Variants in OR1C1 observed in about 807,000 individuals in gnomAD.
OR1C1 encodes olfactory receptor family 1 subfamily C member 1, also known as olfactory receptor 1C1.
For synonymous variants in OR1C1, 153 were observed against 154.6 expected (o/e 0.99, Z 0.08); for missense variants, 407 against 384.3 (o/e 1.06, Z -0.49).
intron 1 of OR1C1, chr1:247,758,707 G>A (rs926440024): frequency 7.7e-6 from 2 of 258,984 alleles, no homozygotes; most frequent in Non-Finnish European, 1.5e-5. Flanking sequence ...CATTTTAATT[G>A]GGTTATTTTG....
At chr1:247,759,812 C>G (rs1251270756) in intron 1 of OR1C1, among the ~76,000 whole-genome samples, 2 of 152,160 alleles carry the variant, frequency 1.3e-5, no homozygotes. Flanking sequence ...GTTCCATGCA[C>G]CCCCTTTTAC....
chr1:247,758,740 A>C (rs1661279557), intron 1 of OR1C1: 1 of 212,588 alleles, frequency 4.7e-6, no homozygotes. Flanking sequence ...TAACCACAAA[A>C]TTCATATCGA....
At position 247,757,780 on chromosome 1, in the gene OR1C1, C is replaced by A; in HGVS notation, c.627G>T (p.Thr209=). ...AAGATACGAGGATACAGACAAGGGG[C>A]GTGAGAGCCAATAGACCTCCTACTG... ...IFAVGGLLAL[T]PLVCILVSYG... The change falls in exon 2 of 2, where the codon ACG becomes ACT. Residue 209 remains threonine, a synonymous_variant. Coordinates refer to ENST00000641256, the MANE Select transcript of OR1C1 (RefSeq NM_012353.3). The A allele has an allele frequency of 6.2e-7, 1 of 1,613,888 alleles. No homozygotes were observed. The highest frequency in any genetic ancestry group is 8.5e-7 in the Non-Finnish European group (1 of 1,179,944).
chr1:247,755,604 G>A lies in OR1C1; in HGVS notation c.*1858C>T, dbSNP rs1423371711. 1 of 152,052 alleles carries A rather than the reference G, an allele frequency of 6.6e-6. No individual in the cohort carries two copies. The highest frequency in any genetic ancestry group is 2.4e-5 in the African/African-American group (1 of 41,424). 9.4% of individuals were successfully genotyped at this position (152,052 alleles called of 1,614,324 possible). A position where few individuals can be genotyped will look rare whatever the true frequency, so the allele number is the denominator to read the frequency against. On this transcript the variant is annotated 3_prime_UTR_variant, in exon 2 of 2. Coordinates refer to ENST00000641256, the MANE Select transcript of OR1C1 (RefSeq NM_012353.3). ...AAGGGAAATGCCAATTAAAACCACC[G>A]TGAGATGCACCTCACACTTGTCTGA...
chr1:247,758,290 G>A lies in OR1C1; in HGVS notation c.117C>T (p.Thr39=), dbSNP rs533819282. ...TCGCAATGATGAGCATGTTCCCCAA[G>A]GTGGTGGCTAAATACATACAGAGAA... ...VLFLCMYLAT[T]LGNMLIIATI... is the part of the protein sequence containing the mutation. The change falls in exon 2 of 2, where the codon ACC becomes ACT. Residue 39 remains threonine (T), a synonymous_variant. Transcript: ENST00000641256. 6.2e-7 allele frequency: 1 copy of A among 1,613,916 alleles called. No homozygotes were observed.
At position 247,757,964 on chromosome 1, in the gene OR1C1, A is replaced by G. The variant is rs1661252492; in HGVS notation, c.443T>C (p.Leu148Pro). Reference protein sequence around the residue: ...LCLCVQLVAGLWLVTYLHALL... With the variant: ...LCLCVQLVAGPWLVTYLHALL... Reference sequence around the variant, plus strand: ...GGCGTGGAGGTAAGTAACAAGCCACAGTCCAGCCACTAGCTGGACACAAAG... The same window carrying G: ...GGCGTGGAGGTAAGTAACAAGCCACGGTCCAGCCACTAGCTGGACACAAAG... Residue 148 changes from leucine (L) to proline (P), a missense_variant, in exon 2 of 2, where the codon CTG (leucine) becomes CCG (proline). Physicochemically the swap from Leu to Pro is moderately conservative, Grantham distance 98 (BLOSUM62 -3). Transcript: ENST00000641256. 6.2e-7 allele frequency: 1 copy of G among 1,614,016 alleles called. No homozygotes were observed. The highest frequency in any genetic ancestry group is 1.7e-5 in the Admixed American group (1 of 59,988).
At chr1:247,758,669 A>G (rs970874232) in intron 1 of OR1C1, 1 of 357,706 alleles carries the variant, frequency 2.8e-6, no homozygotes, top group Non-Finnish European at 5.1e-6. Flanking sequence ...TTCCCCCAAA[A>G]GAAAATGCAA....
rs770848084 is a variant in OR1C1, at chr1:247,757,761, C to T, written c.646G>A (p.Val216Ile). Residue 216 changes from valine (V) to isoleucine (I), a missense_variant, in exon 2 of 2, where the codon GTA becomes ATA. Physicochemically the swap from Val to Ile is conservative, Grantham distance 29. Transcript: ENST00000641256. ...GTGGAGAAGATAAGTCCATAAGATA[C>T]GAGGATACAGACAAGGGGCGTGAGA... Reference protein sequence around the residue: ...LALTPLVCILVSYGLIFSTVL... With the variant: ...LALTPLVCILISYGLIFSTVL... The T allele has an allele frequency of 3.7e-6, 6 of 1,613,900 alleles. No individual in the cohort carries two copies. Among genetic ancestry groups the T allele is most frequent in the South Asian group, 2.2e-5 (2 of 91,066 alleles).
intron 1 of OR1C1, among the ~76,000 whole-genome samples, chr1:247,758,983 TTGG>T (rs143311622): frequency 0.053 from 8,118 of 152,172 alleles, 315 homozygotes; most frequent in East Asian, 0.22. Context: ...TGCTCATCAT[TTGG>T]TGGAGCCTCT....
At position 247,757,521 on chromosome 1, in the gene OR1C1, C is replaced by A. The variant is rs773140315; in HGVS notation, c.886G>T (p.Asp296Tyr). The A allele has an allele frequency of 9.3e-6, 15 of 1,613,950 alleles. No homozygotes were observed. Among genetic ancestry groups the A allele is most frequent in the Non-Finnish European group, 1.2e-5 (14 of 1,179,992 alleles). Reference sequence around the variant, plus strand: ...ATTTTCTGAAGTCCCCTCTTCATATCCCTGTTCCTTAGGGTATAGATGAAA... The same window carrying A: ...ATTTTCTGAAGTCCCCTCTTCATATACCTGTTCCTTAGGGTATAGATGAAA... Reference protein sequence around the residue: ...NPFIYTLRNRDMKRGLQKMLL... With the variant: ...NPFIYTLRNRYMKRGLQKMLL... The change falls in exon 2 of 2, where the codon GAT becomes TAT. Residue 296 changes from aspartate (D) to tyrosine (Y), a missense_variant. Asp to Tyr is a radical substitution (Grantham distance 160, BLOSUM62 -3). Transcript: ENST00000641256.
At chr1:247,759,930 T>C (rs1008758285) in intron 1 of OR1C1, among the ~76,000 whole-genome samples, 2 of 152,236 alleles carry the variant, frequency 1.3e-5, no homozygotes, top group African/African-American at 2.4e-5. Flanking sequence ...CCTTCCCCTG[T>C]AGGCACTATC....
chr1:247,758,008 G>T lies in OR1C1; in HGVS notation c.399C>A (p.Thr133=). ...YVAICHPLHY[T]ARMNLCLCVQ... is the part of the protein sequence containing the mutation. ...CACAAAGGCACAGGTTCATTCTGGCGGTGTAATGTAAGGGGTGGCAAATCG... is the reference window on the plus strand; with the variant it reads ...CACAAAGGCACAGGTTCATTCTGGCTGTGTAATGTAAGGGGTGGCAAATCG... The change falls in exon 2 of 2, where the codon ACC becomes ACA. Residue 133 remains threonine, a synonymous_variant. Coordinates refer to ENST00000641256, the MANE Select transcript of OR1C1 (RefSeq NM_012353.3). 1.2e-6 allele frequency: 2 copies of T among 1,614,066 alleles called. No individual in the cohort carries two copies. The highest frequency in any genetic ancestry group is 1.7e-6 in the Non-Finnish European group (2 of 1,180,008).
intron 1 of OR1C1, among the ~76,000 whole-genome samples, chr1:247,758,867 A>G (rs1312453730): frequency 6.6e-6 from 1 of 152,138 alleles, no homozygotes; most frequent in East Asian, 1.9e-4. Context: ...TATACTTATG[A>G]TGGAAGATAT....
chr1:247,757,748 A>G lies in OR1C1; in HGVS notation c.659T>C (p.Leu220Pro). The change falls in exon 2 of 2, where the codon CTT becomes CCT. Residue 220 changes from leucine (L) to proline (P), a missense_variant. Coordinates refer to ENST00000641256, the MANE Select transcript of OR1C1 (RefSeq NM_012353.3). ...PLVCILVSYGLIFSTVLKITS... is the reference protein window; with the variant it reads ...PLVCILVSYGPIFSTVLKITS... ...GATCTTCAGAACAGTGGAGAAGATA[A>G]GTCCATAAGATACGAGGATACAGAC... 1 of 1,614,118 alleles carries G rather than the reference A, an allele frequency of 6.2e-7. No individual in the cohort carries two copies. Among genetic ancestry groups the G allele is most frequent in the Non-Finnish European group, 8.5e-7 (1 of 1,180,016 alleles).
rs957285979 is a variant in OR1C1, at chr1:247,755,381, G to T, written c.*2081C>A. The stretch of plus-strand genomic sequence containing the variant: ...AGAATGAAGAGATGACCTACAAAAT[G>T]GGAGAAAATATTTGCAAATCATACA... On this transcript the variant is annotated 3_prime_UTR_variant, in exon 2 of 2. Transcript: ENST00000641256. The T allele has an allele frequency of 2.0e-5, 3 of 152,024 alleles. No homozygotes were observed. Among genetic ancestry groups the T allele is most frequent in the African/African-American group, 7.2e-5 (3 of 41,416 alleles). 9.4% of individuals were successfully genotyped at this position (152,024 alleles called of 1,614,324 possible). A position where few individuals can be genotyped will look rare whatever the true frequency, so the allele number is the denominator to read the frequency against.
intron 1 of OR1C1, among the ~76,000 whole-genome samples, chr1:247,760,085 A>G (rs1661303749): frequency 6.6e-6 from 1 of 152,220 alleles, no homozygotes; most frequent in Non-Finnish European, 1.5e-5. Flanking sequence ...TTGAATCCTT[A>G]GGATATAACA....
chr1:247,760,461 C>A lies in OR1C1; in HGVS notation c.-63G>T, dbSNP rs1661312189. 1 of 152,068 alleles carries A rather than the reference C, an allele frequency of 6.6e-6. No individual in the cohort carries two copies. The highest frequency in any genetic ancestry group is 2.4e-5 in the African/African-American group (1 of 41,410). The allele number at this position is 152,068 out of a possible 1,614,324, so 9.4% of individuals were successfully genotyped here. A position where few individuals can be genotyped will look rare whatever the true frequency, so the allele number is the denominator to read the frequency against. Reference sequence around the variant, plus strand: ...ATGACTTTTCTCTTTCCTGAATATCCAATCACAAAAGCATAGATGGACCTA... The same window carrying A: ...ATGACTTTTCTCTTTCCTGAATATCAAATCACAAAAGCATAGATGGACCTA... On this transcript the variant is annotated 5_prime_UTR_variant, in exon 1 of 2. It introduces an in-frame stop codon into an upstream open reading frame of the 5' UTR. Coordinates refer to ENST00000641256, the MANE Select transcript of OR1C1 (RefSeq NM_012353.3).
chr1:247,758,450 C>A, intron 1 of OR1C1, 31 bp from the exon 2 acceptor site: 1 of 1,172,238 alleles, frequency 8.5e-7, no homozygotes, highest in Non-Finnish European at 1.2e-6. Context: ...ATTGTAAAAG[C>A]CAGCAGTGTT....
rs1661183509 is a variant in OR1C1 at position 247,754,910 on chromosome 1, A to T, written c.*2552T>A. ...CCTGTGTACTCCATAAGTGTGTATG[A>T]TTATTTTATGCCAATTAAATTTTAA... On this transcript the variant is annotated 3_prime_UTR_variant, in exon 2 of 2. Coordinates refer to ENST00000641256, the MANE Select transcript of OR1C1 (RefSeq NM_012353.3). The T allele has an allele frequency of 6.6e-6, 1 of 152,158 alleles. No individual in the cohort carries two copies. The highest frequency in any genetic ancestry group is 1.5e-5 in the Non-Finnish European group (1 of 68,008). 9.4% of individuals were successfully genotyped at this position (152,158 alleles called of 1,614,324 possible). A position where few individuals can be genotyped will look rare whatever the true frequency, so the allele number is the denominator to read the frequency against.
Sources: gnomAD v4.1 joint callset for allele counts (sites outside exome capture counted in the v4.1 genomes callset) on GRCh38, gnomAD v4.1.1 for gene constraint, MANE v1.5 for transcripts, NCBI Gene and HGNC (gene_info 2026-07-23, HGNC 2026-07-21) for gene names.